ACAT1: variants seen among roughly 807,000 people sequenced by gnomAD.
ACAT1 encodes the protein acetyl-CoA acetyltransferase 1, also known as acetyl-CoA acetyltransferase, mitochondrial.
Under a neutral mutation model 47.3 loss-of-function variants are expected in ACAT1, and 28 were observed. The ratio of observed to expected loss-of-function variants is 0.59; its 90% confidence interval spans 0.44 to 0.81. The LOEUF (loss-of-function observed/expected upper bound fraction) is 0.81, where lower values mean the gene tolerates loss of function less well. ACAT1 is among the 30% of genes least tolerant of loss of function. The probability of loss-of-function intolerance (pLI) is 0.00; values close to 1 mark genes in which losing one functional copy is unlikely to be tolerated. For synonymous variants in ACAT1, 181 were observed against 173.6 expected, an observed-to-expected ratio of 1.04 and a Z score of -0.34; for missense variants, 469 against 524.3, an observed-to-expected ratio of 0.89 and a Z score of 1.03.
intron 1 of ACAT1, among the ~76,000 whole-genome samples, chr11:108,131,354 A>ATTTTTTTTTTTTTTTTTTTTTTTTTT (rs397951009): frequency 0.011 from 716 of 62,600 alleles, 203 homozygotes; most frequent in East Asian, 0.034. Flanking sequence ...AAGACTTGGA[A>ATTTTTTTTTTTTTTTTTTTTTTTTTT]TTTTTTTTTT....
intron 7 of ACAT1, 135 bp from the exon 8 acceptor site, chr11:108,141,470 G>T: frequency 1.6e-6 from 1 of 643,530 alleles, no homozygotes; most frequent in South Asian, 1.7e-5. Context: ...GATTCTAGAT[G>T]AGTGTTTACT....
chr11:108,136,809 G>A (rs942150526), intron 5 of ACAT1: 8 of 152,220 alleles, frequency 5.3e-5, no homozygotes, highest in Non-Finnish European at 8.8e-5. Context: ...TCTCTATTTC[G>A]GAATAGGCAA....
chr11:108,136,290 C>A, intron 5 of ACAT1: 1 of 411,626 alleles, frequency 2.4e-6, no homozygotes. Flanking sequence ...TTAAAAAAAT[C>A]TGTACATGTG....
rs760381296 is a variant in ACAT1 at position 108,136,079 on chromosome 11, G to T, written c.435+837G>T. ...CTTGTCTTTACTTGAGATCAAGCAA[G>T]AGACAGGCTCCTTAGCAAAAATATG... On this transcript the variant is annotated intron_variant, in intron 5 of 11. Transcript: ENST00000265838. 8.6e-6 allele frequency: 6 copies of T among 696,518 alleles called. No individual in the cohort carries two copies. The African/African-American group carries it at 1.1e-4, about 12-fold the overall frequency. 43.1% of individuals were successfully genotyped at this position (696,518 alleles called of 1,614,324 possible).
In ACAT1 at chr11:108,129,183, C is replaced by T. The variant is rs374462499; in HGVS notation, c.73-2724C>T. On this transcript the variant is annotated intron_variant, in intron 1 of 11. Coordinates refer to ENST00000265838, the MANE Select transcript of ACAT1 (RefSeq NM_000019.4). ...TTACTTCACTTAGAATAATAGTCTC[C>T]AATTCCATCCAGGTTGCAGTGAGTG... The T allele has an allele frequency of 3.3e-4, 50 of 152,244 alleles. 2 individuals carry two copies. The highest frequency in any genetic ancestry group is 1.2e-3 in the African/African-American group (48 of 41,534). The allele number at this position is 152,244 out of a possible 1,614,324, so 9.4% of individuals were successfully genotyped here. A position where few individuals can be genotyped will look rare whatever the true frequency, so the allele number is the denominator to read the frequency against.
In ACAT1 at chr11:108,126,854, G is replaced by A. The variant is rs564252535; in HGVS notation, c.73-5053G>A. Among the ~76,000 whole-genome samples the A allele has an allele frequency of 4.1e-5, 6 of 145,054 alleles. No homozygotes were observed. The East Asian group carries it at 1.0e-3, about 25-fold the overall frequency. ...GTCACCCAGGCTGGAGTGCAATGGC[G>A]CAATCTCAGCTCACTGCAACCTCCA... On this transcript the variant is annotated intron_variant, in intron 1 of 11. Coordinates refer to ENST00000265838, the MANE Select transcript of ACAT1 (RefSeq NM_000019.4).
rs2134761440 is a variant in ACAT1 at position 108,140,163 on chromosome 11, G to A, written c.678G>A (p.Trp226Ter). Residue 226 changes from tryptophan (W) to a stop codon, truncating the protein, a stop_gained, in exon 7 of 12, where the codon TGG becomes TGA. Transcript: ENST00000265838. LOFTEE classifies it high-confidence loss of function. ...INSYTRSKAA[W>*]EAGKFGNEVI... is the part of the protein sequence containing the mutation. ...CTTATACCAGAAGTAAAGCAGCATG[G>A]GAAGCTGGGAAATTTGGAAATGAAG... 1 of 1,614,150 alleles carries A rather than the reference G, an allele frequency of 6.2e-7. No individual in the cohort carries two copies. Among genetic ancestry groups the A allele is most frequent in the East Asian group, 2.2e-5 (1 of 44,862 alleles).
upstream of ACAT1, among the ~76,000 whole-genome samples, chr11:108,119,848 G>A (rs932335485): frequency 9.2e-5 from 14 of 152,088 alleles, no homozygotes; most frequent in African/African-American, 2.9e-4. Flanking sequence ...GAGGTTCTTC[G>A]GTGCAGGAAT....
At chr11:108,123,728 C>T (rs998270844) in intron 1 of ACAT1, among the ~76,000 whole-genome samples, 1 of 151,864 alleles carries the variant, frequency 6.6e-6, no homozygotes, top group African/African-American at 2.4e-5. Flanking sequence ...TTTGTAGACA[C>T]GGGGTCTGGT....
At chr11:108,135,464 G>A (rs1046577962) in intron 5 of ACAT1, among the ~76,000 whole-genome samples, 12 of 151,976 alleles carry the variant, frequency 7.9e-5, no homozygotes, top group African/African-American at 1.9e-4. Flanking sequence ...TTGGAAGGTC[G>A]AGGCAGGAGG....
upstream of ACAT1, among the ~76,000 whole-genome samples, chr11:108,118,029 GCT>G (rs201593487): frequency 6.7e-3 from 1,026 of 152,222 alleles, 12 homozygotes; most frequent in African/African-American, 0.022. Flanking sequence ...TTTTTGAGTA[GCT>G]CTTCATTAAT....
At chr11:108,136,205 GAGAC>G in intron 5 of ACAT1, 1 of 517,036 alleles carries the variant, frequency 1.9e-6, no homozygotes. Flanking sequence ...CAGTGTGTCT[GAGAC>G]AGCCACAGAG....
In ACAT1 at chr11:108,139,268, A is replaced by G. The variant is rs2077533706; in HGVS notation, c.579+227A>G. 4 of 534,152 alleles carry G rather than the reference A, an allele frequency of 7.5e-6. No homozygotes were observed. The South Asian group carries it at 7.9e-5, about 11-fold the overall frequency. 33.1% of individuals were successfully genotyped at this position (534,152 alleles called of 1,614,324 possible). On this transcript the variant is annotated intron_variant, in intron 6 of 11. Transcript: ENST00000265838. Reference sequence around the variant, plus strand: ...GGTAATTTCTGACGCTTAGCTGGCAACTGCTTGGCTAATTCAAGTATGTGA... The same window carrying G: ...GGTAATTTCTGACGCTTAGCTGGCAGCTGCTTGGCTAATTCAAGTATGTGA...
chr11:108,143,121 G>T, intron 9 of ACAT1: 1 of 155,176 alleles, frequency 6.4e-6, no homozygotes, highest in African/African-American at 2.4e-5. Flanking sequence ...ACCAGCCTGG[G>T]CAACACAGTG....
chr11:108,125,132 A>G (rs768875375), intron 1 of ACAT1, among the ~76,000 whole-genome samples: 1 of 152,190 alleles, frequency 6.6e-6, no homozygotes, highest in Non-Finnish European at 1.5e-5. Flanking sequence ...TGGAATTCAC[A>G]GTCTAGTGAG....
At chr11:108,123,196 C>A (rs1371480850) in intron 1 of ACAT1, among the ~76,000 whole-genome samples, 1 of 152,014 alleles carries the variant, frequency 6.6e-6, no homozygotes, top group Non-Finnish European at 1.5e-5. Context: ...TGAGATCATG[C>A]CACTGCACTC....
At chr11:108,140,995 G>A (rs1225344056) in intron 7 of ACAT1, among the ~76,000 whole-genome samples, 1 of 152,148 alleles carries the variant, frequency 6.6e-6, no homozygotes, top group Non-Finnish European at 1.5e-5. Context: ...GGAGGCCGAG[G>A]TGGGAGGATT....
rs576848819 is a variant in ACAT1 at position 108,139,285 on chromosome 11, A to C, written c.579+244A>C. On this transcript the variant is annotated intron_variant, in intron 6 of 11. Coordinates refer to ENST00000265838, the MANE Select transcript of ACAT1 (RefSeq NM_000019.4). ...AGCTGGCAACTGCTTGGCTAATTCA[A>C]GTATGTGAAGATAAGACATGAGTGG... 90 of 487,448 alleles carry C rather than the reference A, an allele frequency of 1.8e-4. 1 individual carries two copies. In the East Asian group the frequency reaches 2.3e-3, roughly 12 times the overall value. The allele number at this position is 487,448 out of a possible 1,614,324, so 30.2% of individuals were successfully genotyped here.
intron 1 of ACAT1, among the ~76,000 whole-genome samples, chr11:108,126,820 G>C (rs2077257606): frequency 6.9e-4 from 1 of 1,454 alleles, no homozygotes; most frequent in African/African-American, 8.5e-4. Flanking sequence ...TTGAGATGGA[G>C]TCTTCTCTGT....
Sources: gnomAD v4.1 joint callset for allele counts (sites outside exome capture counted in the v4.1 genomes callset) on GRCh38, gnomAD v4.1.1 for gene constraint, MANE v1.5 for transcripts, NCBI Gene and HGNC (gene_info 2026-07-23, HGNC 2026-07-21) for gene names.